Variants in RAG2 observed in about 807,000 individuals in gnomAD.
The protein encoded by RAG2 is recombination activating 2, also known as V(D)J recombination-activating protein 2.
Under a neutral mutation model 31.8 loss-of-function variants are expected in RAG2, and 16 were observed. That is an observed-to-expected ratio of 0.50 (90% CI 0.34 to 0.76). The LOEUF (loss-of-function observed/expected upper bound fraction) is 0.76. Ranked by LOEUF, RAG2 falls within the 30% of genes least tolerant of loss-of-function variation. The pLI, the probability that RAG2 is intolerant of heterozygous loss-of-function variation, is 0.01. For missense variants in RAG2, 622 were observed against 628.5 expected (o/e 0.99, Z 0.11); for synonymous variants, 199 against 215.9 (o/e 0.92, Z 0.68).
At chr11:36,594,543 C>G (rs559735360) in intron 1 of RAG2, 2 of 269,060 alleles carry the variant, frequency 7.4e-6, no homozygotes, top group African/African-American at 4.4e-5. Flanking sequence ...CTTTGTTGCT[C>G]TGGGAGAGGG....
At position 36,594,141 on chromosome 11, in the gene RAG2, T is replaced by C; in HGVS notation, c.28A>G (p.Asn10Asp). 1.2e-6 allele frequency: 2 copies of C among 1,613,060 alleles called. No individual in the cohort carries two copies. The highest frequency in any genetic ancestry group is 1.7e-6 in the Non-Finnish European group (2 of 1,179,012). ...CCTGGCTGAATTAAGGCTATGTTAT[T>C]ACTGACTGTTACCATCTGCAGAGAC... Reference protein sequence around the residue: MSLQMVTVSNNIALIQPGFS... With the variant: MSLQMVTVSDNIALIQPGFS... Residue 10 changes from asparagine to aspartate, a missense_variant, in exon 2 of 2, where the codon AAT becomes GAT. Physicochemically the swap from Asn to Asp is conservative, Grantham distance 23. Coordinates refer to ENST00000311485, the MANE Select transcript of RAG2 (RefSeq NM_000536.4).
intron 1 of RAG2, among the ~76,000 whole-genome samples, chr11:36,595,876 C>T (rs1851205861): frequency 6.6e-6 from 1 of 152,182 alleles, no homozygotes; most frequent in Admixed American, 6.5e-5. Flanking sequence ...GGAATCAGGT[C>T]AGTGGGTATA....
At chr11:36,596,529 G>C (rs1358837757) in intron 1 of RAG2, among the ~76,000 whole-genome samples, 1 of 152,166 alleles carries the variant, frequency 6.6e-6, no homozygotes, top group Non-Finnish European at 1.5e-5. Context: ...GAAGGCATCT[G>C]AGCAACTATG....
rs762907049 is a variant in RAG2 at position 36,593,641 on chromosome 11, A to G, written c.528T>C (p.Ala176=). ...HRTTEKWNSV[A]DCLPCVFLVD... ...CCAGGAAAACACAGGGCAGGCAGTC[A>G]GCTACACTATTCCATTTTTCTGTGG... The change falls in exon 2 of 2, where the codon GCT becomes GCC. Residue 176 remains alanine (A), a synonymous_variant. Coordinates refer to ENST00000311485, the MANE Select transcript of RAG2 (RefSeq NM_000536.4). 49 of 1,614,096 alleles carry G rather than the reference A, an allele frequency of 3.0e-5. No individual in the cohort carries two copies. The highest frequency in any genetic ancestry group is 4.0e-5 in the Non-Finnish European group (47 of 1,180,046).
intron 1 of RAG2, chr11:36,595,122 T>C (rs916998390): frequency 6.6e-6 from 1 of 152,178 alleles, no homozygotes; most frequent in Non-Finnish European, 1.5e-5. Context: ...TCTTCACTGT[T>C]TTTACTCCTG....
In RAG2 at chr11:36,593,785, G is replaced by A; in HGVS notation, c.384C>T (p.Asp128=). The A allele has an allele frequency of 6.2e-7, 1 of 1,614,186 alleles. No individual in the cohort carries two copies. The highest frequency in any genetic ancestry group is 8.5e-7 in the Non-Finnish European group (1 of 1,180,022). ...KKVTFRCTEK[D]LVGDVPEARY... is the part of the protein sequence containing the mutation. ...TGGCTTCAGGAACATCTCCTACCAA[G>A]TCTTTCTCTGTGCAGCGAAAAGTAA... The change falls in exon 2 of 2, where the codon GAC becomes GAT. Residue 128 remains aspartate (D), a synonymous_variant. Coordinates refer to ENST00000311485, the MANE Select transcript of RAG2 (RefSeq NM_000536.4).
intron 1 of RAG2, among the ~76,000 whole-genome samples, chr11:36,596,128 A>T (rs2133326730): frequency 6.6e-6 from 1 of 151,846 alleles, no homozygotes; most frequent in Admixed American, 6.6e-5. Flanking sequence ...TTGATACTAT[A>T]ATTTATCTAA....
At position 36,598,167 on chromosome 11, in the gene RAG2, A is replaced by T. The variant is rs1042357300; in HGVS notation, c.-93T>A. 1.3e-5 allele frequency: 2 copies of T among 152,054 alleles called. No individual in the cohort carries two copies. The highest frequency in any genetic ancestry group is 2.9e-5 in the Non-Finnish European group (2 of 68,024). The allele number at this position is 152,054 out of a possible 1,614,324, so 9.4% of individuals were successfully genotyped here. The stretch of plus-strand genomic sequence containing the variant: ...GCCGCTAAACCAGGTATTAATTGTC[A>T]GCACTTGGGGAAGATTCACTGACTG... On this transcript the variant is annotated 5_prime_UTR_variant, in exon 1 of 2. Coordinates refer to ENST00000311485, the MANE Select transcript of RAG2 (RefSeq NM_000536.4).
chr11:36,594,453 A>G (rs1851121366), intron 1 of RAG2: 4 of 460,174 alleles, frequency 8.7e-6, no homozygotes, highest in Non-Finnish European at 1.6e-5. Flanking sequence ...TTTTCCGTAA[A>G]GAGTCACCAT....
rs1312019173 is a variant in RAG2 at position 36,593,613 on chromosome 11, C to T, written c.556G>A (p.Asp186Asn). 1 of 1,614,054 alleles carries T rather than the reference C, an allele frequency of 6.2e-7. No homozygotes were observed. The highest frequency in any genetic ancestry group is 2.2e-5 in the East Asian group (1 of 44,896). Residue 186 changes from aspartate (D) to asparagine (N), a missense_variant, in exon 2 of 2, where the codon GAT becomes AAT. Physicochemically the swap from Asp to Asn is conservative, Grantham distance 23. Transcript: ENST00000311485. ...ADCLPCVFLV[D>N]FEFGCATSYI... ...GATGTAGCACACCCAAATTCAAAAT[C>T]CACCAGGAAAACACAGGGCAGGCAG...
Position 36,592,797 on chromosome 11 carries a change from A to C in RAG2, c.1372T>G (p.Cys458Gly), listed in dbSNP as rs747067538. The C allele has an allele frequency of 1.1e-5, 17 of 1,614,098 alleles. No homozygotes were observed. The highest frequency in any genetic ancestry group is 1.4e-5 in the Non-Finnish European group (17 of 1,180,012). The change falls in exon 2 of 2, where the codon TGC becomes GGC. Residue 458 changes from cysteine (C) to glycine (G), a missense_variant. By Grantham distance (159) the Cys-to-Gly change is radical. Coordinates refer to ENST00000311485, the MANE Select transcript of RAG2 (RefSeq NM_000536.4). ...HGDGHWVHAQ[C>G]MDLAERTLIH... is the part of the protein sequence containing the mutation. ...AGTGTGCGTTCTGCCAGATCCATGC[A>C]CTGAGCATGGACCCAGTGCCCATCC...
intron 1 of RAG2, chr11:36,594,562 G>C (rs3740957): frequency 0.14 from 32,157 of 237,472 alleles, 2,941 homozygotes; most frequent in African/African-American, 0.3. Flanking sequence ...GGGACTCCTG[G>C]AATGTGTCTG....
chr11:36,593,006 G>T lies in RAG2; in HGVS notation c.1163C>A (p.Ala388Glu), dbSNP rs958911693. 7.4e-6 allele frequency: 12 copies of T among 1,613,962 alleles called. No individual in the cohort carries two copies. The Middle Eastern group carries it at 6.6e-4, about 88-fold the overall frequency. ...ATCACCATCAAAACTATTTGCTTCT[G>T]CACTGAAACAAAATTCTTCAGAGTC... ...FEDSEEFCFSAEANSFDGDDE... is the reference protein window; with the variant it reads ...FEDSEEFCFSEEANSFDGDDE... Residue 388 changes from alanine (A) to glutamate (E), a missense_variant, in exon 2 of 2, where the codon GCA becomes GAA. Ala to Glu is a moderately radical substitution (Grantham distance 107). Coordinates refer to ENST00000311485, the MANE Select transcript of RAG2 (RefSeq NM_000536.4).
rs781104028 is a variant in RAG2, at chr11:36,592,668, G to C, written c.1501C>G (p.Pro501Ala). Residue 501 changes from proline to alanine, a missense_variant, in exon 2 of 2, where the codon CCA (proline) becomes GCA (alanine). Physicochemically the swap from Pro to Ala is conservative, Grantham distance 27 (BLOSUM62 -1). Coordinates refer to ENST00000311485, the MANE Select transcript of RAG2 (RefSeq NM_000536.4). ...PQRVLPLKKP[P>A]MKSLRKKGSG... ...CCTTTTTTACGGAGGGATTTCATTG[G>C]AGGCTTTTTTAAGGGTAGGACTCTT... The C allele has an allele frequency of 1.9e-6, 3 of 1,614,142 alleles. No individual in the cohort carries two copies. The highest frequency in any genetic ancestry group is 3.3e-5 in the Admixed American group (2 of 60,022).
intron 1 of RAG2, among the ~76,000 whole-genome samples, chr11:36,596,640 T>A (rs1163667987): frequency 1.3e-5 from 2 of 152,188 alleles, no homozygotes; most frequent in Non-Finnish European, 2.9e-5. Flanking sequence ...ATCAGAGAGT[T>A]GTCCCATTTT....
chr11:36,593,197 A>G lies in RAG2; in HGVS notation c.972T>C (p.Asn324=), dbSNP rs776425229. Reference sequence around the variant, plus strand: ...CTGGTATGCCAAGAAAAACAGTTCCATTTCCCATGTTGCTTCCAAACCATA... The same window carrying G: ...CTGGTATGCCAAGAAAAACAGTTCCGTTTCCCATGTTGCTTCCAAACCATA... ...SKIWFGSNMG[N]GTVFLGIPGD... is the part of the protein sequence containing the mutation. Residue 324 remains asparagine (N), a synonymous_variant, in exon 2 of 2, where the codon AAT becomes AAC. Coordinates refer to ENST00000311485, the MANE Select transcript of RAG2 (RefSeq NM_000536.4). 1 of 1,614,160 alleles carries G rather than the reference A, an allele frequency of 6.2e-7. No individual in the cohort carries two copies. Among genetic ancestry groups the G allele is most frequent in the Non-Finnish European group, 8.5e-7 (1 of 1,180,022 alleles).
chr11:36,594,317 G>T, intron 1 of RAG2, 122 bp from the exon 2 acceptor site: 1 of 699,188 alleles, frequency 1.4e-6, no homozygotes, highest in Non-Finnish European at 2.5e-6. Context: ...GGGACTGAAT[G>T]AGGAAAATCC....
Position 36,592,118 on chromosome 11 carries a change from G to T in RAG2, c.*467C>A. 5.0e-6 allele frequency: 1 copy of T among 201,602 alleles called. No individual in the cohort carries two copies. The highest frequency in any genetic ancestry group is 1.0e-5 in the Non-Finnish European group (1 of 99,374). The allele number at this position is 201,602 out of a possible 1,614,324, so 12.5% of individuals were successfully genotyped here. On this transcript the variant is annotated 3_prime_UTR_variant, in exon 2 of 2. Coordinates refer to ENST00000311485, the MANE Select transcript of RAG2 (RefSeq NM_000536.4). Reference sequence around the variant, plus strand: ...ATAAAGAACACTAATGTGGGATGTAGTAGATCTTGCTTTTAAGTTTTGGCC... The same window carrying T: ...ATAAAGAACACTAATGTGGGATGTATTAGATCTTGCTTTTAAGTTTTGGCC...
chr11:36,594,098 A>G lies in RAG2; in HGVS notation c.71T>C (p.Phe24Ser). ...TCCAAAGAAGAAAACTTGTCCATCA[A>G]AATTCATCAGTGAGAAGCCTGGCTG... ...LIQPGFSLMN[F>S]DGQVFFFGQK... The change falls in exon 2 of 2, where the codon TTT (phenylalanine) becomes TCT (serine). Residue 24 changes from phenylalanine to serine, a missense_variant. Physicochemically the swap from Phe to Ser is radical, Grantham distance 155. Transcript: ENST00000311485. The G allele has an allele frequency of 6.2e-7, 1 of 1,614,094 alleles. No individual in the cohort carries two copies. The highest frequency in any genetic ancestry group is 8.5e-7 in the Non-Finnish European group (1 of 1,180,014).
Sources: allele counts gnomAD v4.1 joint callset (sites outside exome capture counted in the v4.1 genomes callset), GRCh38; gene constraint gnomAD v4.1.1; transcripts MANE v1.5; gene names NCBI Gene and HGNC (gene_info 2026-07-23, HGNC 2026-07-21).